KIF11: variants seen among roughly 807,000 people sequenced by gnomAD.
The protein encoded by KIF11 is kinesin-like protein KIF11.
KIF11 carries 9 observed loss-of-function variants against 121.0 expected under a neutral mutation model. The observed-to-expected ratio is 0.07, with a 90% confidence interval of 0.04 to 0.13. The LOEUF is 0.13. KIF11 is among the 10% of genes least tolerant of loss of function. The pLI is 1.00. For missense variants in KIF11, 846 were observed against 1,217.5 expected (o/e 0.69, Z 4.54); for synonymous variants, 408 against 421.0 (o/e 0.97, Z 0.38).
rs1395142042 is a variant in KIF11 at position 92,632,524 on chromosome 10, T to A, written c.1533T>A (p.Ser511=). 2 of 1,613,378 alleles carry A rather than the reference T, an allele frequency of 1.2e-6. No homozygotes were observed. The highest frequency in any genetic ancestry group is 1.7e-6 in the Non-Finnish European group (2 of 1,179,462). ...NTVEETTKDV[S]GLHSKLDRKK... ...TTGAAGAAACTACAAAAGATGTATC[T>A]GGTCTCCATTCCAAACTGGATCGTA... The change falls in exon 13 of 22, where the codon TCT becomes TCA. Residue 511 remains serine (S), a synonymous_variant. Transcript: ENST00000260731.
intron 16 of KIF11, among the ~76,000 whole-genome samples, chr10:92,638,075 C>G (rs918445158): frequency 6.6e-6 from 1 of 152,050 alleles, no homozygotes; most frequent in Non-Finnish European, 1.5e-5. Context: ...GGCTTTAAAC[C>G]AAAACCAAGC....
At chr10:92,647,494 TCAAA>T (rs1844932598) in intron 18 of KIF11, among the ~76,000 whole-genome samples, 1 of 152,146 alleles carries the variant, frequency 6.6e-6, no homozygotes, top group Admixed American at 6.5e-5. Flanking sequence ...GAATTCTGGT[TCAAA>T]CAAAGCAATT....
rs567727107 is a variant in KIF11, at chr10:92,601,325, C to T, written c.78-4940C>T. ...AAACGATTCTCCTGCCTCAGCCTTC[C>T]GAGTAGCTTGTACTACAGGCATGTG... On this transcript the variant is annotated intron_variant, in intron 1 of 21. Transcript: ENST00000260731. Among the ~76,000 whole-genome samples, 30 of 152,090 alleles carry T rather than the reference C, an allele frequency of 2.0e-4. No individual in the cohort carries two copies. The South Asian group carries it at 3.7e-3, about 19-fold the overall frequency.
chr10:92,653,921 T>G lies in KIF11; in HGVS notation c.*125T>G. On this transcript the variant is annotated 3_prime_UTR_variant, in exon 22 of 22. Transcript: ENST00000260731. ...TATATCAGCCGGGCGCGGTGGCTCA[T>G]GCCTGTAATCCCAGCACTTTGGGAG... The G allele has an allele frequency of 1.3e-6, 1 of 777,186 alleles. No homozygotes were observed. Among genetic ancestry groups the G allele is most frequent in the Non-Finnish European group, 2.0e-6 (1 of 509,060 alleles). The allele number at this position is 777,186 out of a possible 1,614,324, so 48.1% of individuals were successfully genotyped here. A position where few individuals can be genotyped will look rare whatever the true frequency, so the allele number is the denominator to read the frequency against.
rs143577999 is a variant in KIF11, at chr10:92,649,978, A to G, written c.2914A>G (p.Thr972Ala). The G allele has an allele frequency of 8.5e-5, 136 of 1,608,512 alleles. No individual in the cohort carries two copies. The African/African-American group carries it at 1.6e-3, about 19-fold the overall frequency. Residue 972 changes from threonine to alanine, a missense_variant, in exon 20 of 22, where the codon ACA becomes GCA. Coordinates refer to ENST00000260731, the MANE Select transcript of KIF11 (RefSeq NM_004523.4). ...LNCSENNKEE[T>A]IPDVDVEEAV... is the part of the protein sequence containing the mutation. The stretch of plus-strand genomic sequence containing the variant: ...CTGTTCAGAAAACAACAAAGAAGAG[A>G]CAATTCCGGTAAATTTAAAGGATCA...
rs1178540026 is a variant in KIF11, at chr10:92,613,691, T to C, written c.1032+72T>C. 2 of 1,414,930 alleles carry C rather than the reference T, an allele frequency of 1.4e-6. No individual in the cohort carries two copies. The highest frequency in any genetic ancestry group is 1.9e-6 in the Non-Finnish European group (2 of 1,043,698). 87.6% of individuals were successfully genotyped at this position (1,414,930 alleles called of 1,614,324 possible). A position where few individuals can be genotyped will look rare whatever the true frequency, so the allele number is the denominator to read the frequency against. On this transcript the variant is annotated intron_variant, in intron 8 of 21. Coordinates refer to ENST00000260731, the MANE Select transcript of KIF11 (RefSeq NM_004523.4). This position sits in a 1 kb window ranked among gnomAD's most constrained non-coding sequence, Gnocchi z 4.2. The stretch of plus-strand genomic sequence containing the variant: ...ATTTGGCTATTATATATTTTAAAAG[T>C]TCATTTACTAGGATGGACACAGTGA...
chr10:92,630,642 T>C (rs1844727148), intron 12 of KIF11, among the ~76,000 whole-genome samples: 2 of 151,942 alleles, frequency 1.3e-5, no homozygotes, highest in Non-Finnish European at 2.9e-5. Flanking sequence ...CCAAGGTGGG[T>C]GGATGACCTG....
chr10:92,624,228 C>CTTTTT (rs201871020), intron 10 of KIF11, among the ~76,000 whole-genome samples: 29 of 99,824 alleles, frequency 2.9e-4, no homozygotes, highest in East Asian at 5.6e-4. Flanking sequence ...TGATCTCATT[C>CTTTTT]TTTTTTTTTT....
intron 17 of KIF11, among the ~76,000 whole-genome samples, chr10:92,643,444 G>A (rs898902795): frequency 2.0e-5 from 3 of 150,744 alleles, no homozygotes; most frequent in South Asian, 2.1e-4. Context: ...CCTCTTTCCC[G>A]TTTGTCATTA....
At chr10:92,639,593 TA>T (rs1009504398) in intron 16 of KIF11, among the ~76,000 whole-genome samples, 200 bp from the exon 17 acceptor site, 22 of 143,810 alleles carry the variant, frequency 1.5e-4, no homozygotes, top group African/African-American at 2.3e-4. Context: ...ACCCTGTCTC[TA>T]AAAAAAAAAA....
intron 12 of KIF11, among the ~76,000 whole-genome samples, chr10:92,630,997 A>G (rs528726383): frequency 6.6e-6 from 1 of 151,154 alleles, no homozygotes; most frequent in East Asian, 2.0e-4. Flanking sequence ...AGAATTTAGT[A>G]TGTTCTGTCC....
chr10:92,606,524 G>A, intron 2 of KIF11, 95 bp from the exon 3 acceptor site: 2 of 1,127,572 alleles, frequency 1.8e-6, no homozygotes, highest in Non-Finnish European at 2.5e-6. Context: ...GGCTTCTAGT[G>A]GGCTGAATTA....
chr10:92,612,159 A>G (rs1003492909), intron 6 of KIF11, among the ~76,000 whole-genome samples: 2 of 151,244 alleles, frequency 1.3e-5, no homozygotes, highest in African/African-American at 4.9e-5. Flanking sequence ...TTTTTGAGAC[A>G]GCGTCTCACT....
chr10:92,640,451 C>T (rs922745722), intron 17 of KIF11, among the ~76,000 whole-genome samples: 7 of 152,072 alleles, frequency 4.6e-5, no homozygotes, highest in Non-Finnish European at 7.4e-5. Flanking sequence ...TTTGTTTTTG[C>T]GACGGAGTCT....
chr10:92,616,348 C>A (rs1379336551), intron 8 of KIF11, among the ~76,000 whole-genome samples: 1 of 151,908 alleles, frequency 6.6e-6, no homozygotes, highest in Non-Finnish European at 1.5e-5. Context: ...TAGGCACATA[C>A]TACTATGCCC....
chr10:92,625,673 A>G (rs773335753), intron 10 of KIF11, among the ~76,000 whole-genome samples: 11 of 152,090 alleles, frequency 7.2e-5, no homozygotes, highest in Non-Finnish European at 1.3e-4. Context: ...TTATACTTAG[A>G]AAACCCCATA....
intron 8 of KIF11, among the ~76,000 whole-genome samples, chr10:92,614,982 A>G (rs1185504835): frequency 2.6e-5 from 4 of 151,926 alleles, no homozygotes; most frequent in Admixed American, 2.6e-4. Context: ...TTAAATAGAG[A>G]CAGAGGTCTC....
chr10:92,631,976 T>A (rs191954612), intron 12 of KIF11, among the ~76,000 whole-genome samples: 39 of 152,112 alleles, frequency 2.6e-4, no homozygotes, highest in African/African-American at 8.4e-4. Context: ...CGTCCGGCCA[T>A]TAGGTGTACT....
intron 6 of KIF11, among the ~76,000 whole-genome samples, chr10:92,610,032 C>T (rs1243521682): frequency 3.3e-5 from 5 of 152,106 alleles, no homozygotes; most frequent in Admixed American, 6.6e-5. Flanking sequence ...CCACGGCGCC[C>T]GGCCTAAACT....
Sources: allele counts gnomAD v4.1 joint callset (sites outside exome capture counted in the v4.1 genomes callset), GRCh38; gene constraint gnomAD v4.1.1; non-coding constraint Gnocchi (gnomAD v3.1); transcripts MANE v1.5; gene names NCBI Gene and HGNC (gene_info 2026-07-23, HGNC 2026-07-21).